The following OR5M3 variants were observed in gnomAD, a reference collection of about 807,000 sequenced individuals.
OR5M3 encodes the protein olfactory receptor family 5 subfamily M member 3, also known as olfactory receptor 5M3.
For missense variants in OR5M3, 384 were observed against 378.6 expected, an observed-to-expected ratio of 1.01 and a Z score of -0.12; for synonymous variants, 129 against 131.3, an observed-to-expected ratio of 0.98 and a Z score of 0.12.
At position 56,469,443 on chromosome 11, in the gene OR5M3, T is replaced by C. The variant is rs1853638729; in HGVS notation, c.*131A>G. The C allele has an allele frequency of 7.3e-6, 4 of 550,940 alleles. No homozygotes were observed. The highest frequency in any genetic ancestry group is 5.9e-5 in the East Asian group (2 of 33,644). The allele number at this position is 550,940 out of a possible 1,614,324, so 34.1% of individuals were successfully genotyped here. On this transcript the variant is annotated 3_prime_UTR_variant, in exon 2 of 2. Transcript: ENST00000641993. ...ATCATTCCTCCTTATATTTTCTCAA[T>C]TTGTACCACTTTTATTTTTCTTTTC...
intron 1 of OR5M3, among the ~76,000 whole-genome samples, chr11:56,472,641 T>C (rs1163047985): frequency 1.3e-5 from 2 of 152,008 alleles, no homozygotes; most frequent in African/African-American, 4.8e-5. Flanking sequence ...GGGTGCGAAG[T>C]GTACAAAGAA....
In OR5M3 at chr11:56,470,224, A is replaced by G. The variant is rs1853652402; in HGVS notation, c.274T>C (p.Tyr92His). Residue 92 changes from tyrosine (Y) to histidine (H), a missense_variant, in exon 2 of 2, where the codon TAT (tyrosine) becomes CAT (histidine). Transcript: ENST00000641993. ...NLLSDKKTIT[Y>H]AGCLVQCFFF... Reference sequence around the variant, plus strand: ...AAACACTGTACTAAACAACCAGCATAAGTAATTGTTTTTTTATCTGATAAC... The same window carrying G: ...AAACACTGTACTAAACAACCAGCATGAGTAATTGTTTTTTTATCTGATAAC... 1 of 1,613,594 alleles carries G rather than the reference A, an allele frequency of 6.2e-7. No individual in the cohort carries two copies. The highest frequency in any genetic ancestry group is 1.7e-5 in the Admixed American group (1 of 59,978).
chr11:56,473,078 T>C (rs1853682531), intron 1 of OR5M3, 143 bp downstream of exon 1: 1 of 152,118 alleles, frequency 6.6e-6, no homozygotes, highest in Non-Finnish European at 1.5e-5. Context: ...ATAATCCTAT[T>C]GAAAATGTAT....
rs758203241 is a variant in OR5M3, at chr11:56,469,842, A to T, written c.656T>A (p.Ile219Asn). The change falls in exon 2 of 2, where the codon ATC (isoleucine) becomes AAC (asparagine). Residue 219 changes from isoleucine to asparagine, a missense_variant. Coordinates refer to ENST00000641993, the MANE Select transcript of OR5M3 (RefSeq NM_001004742.3). ...LTVIIISYLFILIAILRMRSA... is the reference protein window; with the variant it reads ...LTVIIISYLFNLIAILRMRSA... Reference sequence around the variant, plus strand: ...GCGCATTCGCAGAATGGCAATGAGGATGAATAAGTAAGAGATGATAATTAC... The same window carrying T: ...GCGCATTCGCAGAATGGCAATGAGGTTGAATAAGTAAGAGATGATAATTAC... 6.2e-7 allele frequency: 1 copy of T among 1,612,732 alleles called. No individual in the cohort carries two copies. Among genetic ancestry groups the T allele is most frequent in the South Asian group, 1.1e-5 (1 of 91,064 alleles).
chr11:56,470,381 G>A lies in OR5M3; in HGVS notation c.117C>T (p.Gly39=), dbSNP rs777491273. Residue 39 remains glycine (G), a synonymous_variant, in exon 2 of 2, where the codon GGC becomes GGT. Coordinates refer to ENST00000641993, the MANE Select transcript of OR5M3 (RefSeq NM_001004742.3). ...TGATTAACACCATCATGCCGATATT[G>A]CCCACCATGGTGATGATGTAGACCA... ...FLVVYIITMV[G]NIGMMVLIKV... 1 of 1,613,350 alleles carries A rather than the reference G, an allele frequency of 6.2e-7. No individual in the cohort carries two copies. The highest frequency in any genetic ancestry group is 1.7e-5 in the Admixed American group (1 of 59,982).
intron 1 of OR5M3, among the ~76,000 whole-genome samples, chr11:56,471,894 C>T (rs184844143): frequency 1.8e-4 from 27 of 152,084 alleles, no homozygotes; most frequent in Non-Finnish European, 3.4e-4. Flanking sequence ...TATGTTATCT[C>T]TAGAGCAAAC....
At chr11:56,471,233 G>C (rs1366417866) in intron 1 of OR5M3, among the ~76,000 whole-genome samples, 1 of 151,978 alleles carries the variant, frequency 6.6e-6, no homozygotes, top group Non-Finnish European at 1.5e-5. Context: ...ATTAATGTCA[G>C]TATTTATGAA....
chr11:56,470,653 T>TC, intron 1 of OR5M3, 112 bp from the exon 2 acceptor site: 1 of 498,156 alleles, frequency 2.0e-6, no homozygotes, highest in Non-Finnish European at 3.5e-6. Flanking sequence ...ACAGATCTTT[T>TC]CTCAGTGCCT....
Position 56,469,825 on chromosome 11 carries a change from G to C in OR5M3, c.673C>G (p.Arg225Gly), listed in dbSNP as rs138643585. 8.1e-6 allele frequency: 13 copies of C among 1,610,770 alleles called. No individual in the cohort carries two copies. The highest frequency in any genetic ancestry group is 1.3e-5 in the African/African-American group (1 of 74,858). ...TGCCTTCCTTCTGCTGAGCGCATTC[G>C]CAGAATGGCAATGAGGATGAATAAG... ...SYLFILIAIL[R>G]MRSAEGRQKA... The change falls in exon 2 of 2, where the codon CGA (arginine) becomes GGA (glycine). Residue 225 changes from arginine to glycine, a missense_variant. Coordinates refer to ENST00000641993, the MANE Select transcript of OR5M3 (RefSeq NM_001004742.3).
Position 56,469,975 on chromosome 11 carries a change from A to T in OR5M3, c.523T>A (p.Phe175Ile), listed in dbSNP as rs946439058. 3.1e-6 allele frequency: 5 copies of T among 1,613,532 alleles called. No individual in the cohort carries two copies. The African/African-American group carries it at 6.7e-5, about 22-fold the overall frequency. ...ATGAGAGGTGGATCTGCACAGTAGA[A>T]ATGGTTGATCTCAATTTTTCCACAG... is the stretch of plus-strand genomic sequence containing the variant. ...YFCGKIEINH[F>I]YCADPPLIKM... The change falls in exon 2 of 2, where the codon TTC becomes ATC. Residue 175 changes from phenylalanine (F) to isoleucine (I), a missense_variant. Phe to Ile is a conservative substitution (Grantham distance 21). Coordinates refer to ENST00000641993, the MANE Select transcript of OR5M3 (RefSeq NM_001004742.3).
At chr11:56,471,216 C>A (rs1279792911) in intron 1 of OR5M3, among the ~76,000 whole-genome samples, 4 of 151,868 alleles carry the variant, frequency 2.6e-5, no homozygotes. Flanking sequence ...ATAGGTAAAA[C>A]ATACAGATTA....
intron 1 of OR5M3, among the ~76,000 whole-genome samples, chr11:56,471,500 A>G (rs952400884): frequency 6.6e-6 from 1 of 152,012 alleles, no homozygotes; most frequent in African/African-American, 2.4e-5. Context: ...ATAATGGAGA[A>G]TAATCCACAA....
At chr11:56,471,472 G>C (rs1299991908) in intron 1 of OR5M3, among the ~76,000 whole-genome samples, 1 of 151,734 alleles carries the variant, frequency 6.6e-6, no homozygotes, top group Non-Finnish European at 1.5e-5. Context: ...ATTAGTGCTT[G>C]GCATGATCTT....
chr11:56,472,774 A>T (rs965779498), intron 1 of OR5M3, among the ~76,000 whole-genome samples: 4 of 152,124 alleles, frequency 2.6e-5, no homozygotes, highest in African/African-American at 7.2e-5. Flanking sequence ...ATAAATATGG[A>T]TTCTTTTCCA....
chr11:56,471,830 C>A (rs987967913), intron 1 of OR5M3, among the ~76,000 whole-genome samples: 1 of 152,000 alleles, frequency 6.6e-6, no homozygotes, highest in Non-Finnish European at 1.5e-5. Flanking sequence ...GATAGCCTTT[C>A]AGCAGGAAAT....
At chr11:56,471,027 C>T (rs1853662157) in intron 1 of OR5M3, among the ~76,000 whole-genome samples, 1 of 151,770 alleles carries the variant, frequency 6.6e-6, no homozygotes, top group Admixed American at 6.6e-5. Flanking sequence ...CTTATATTTG[C>T]ATTATTTTCA....
intron 1 of OR5M3, 26 bp from the exon 2 acceptor site, chr11:56,470,567 G>A: frequency 8.5e-6 from 7 of 825,570 alleles, no homozygotes; most frequent in South Asian, 2.1e-5. Context: ...GGAAATATTA[G>A]AATATTTATT....
At chr11:56,472,712 T>G (rs1853679778) in intron 1 of OR5M3, among the ~76,000 whole-genome samples, 1 of 152,082 alleles carries the variant, frequency 6.6e-6, no homozygotes, top group African/African-American at 2.4e-5. Context: ...AATTTAAAAA[T>G]ACACACATGA....
chr11:56,469,997 A>G lies in OR5M3; in HGVS notation c.501T>C (p.Cys167=). 1 of 1,613,686 alleles carries G rather than the reference A, an allele frequency of 6.2e-7. No homozygotes were observed. Among genetic ancestry groups the G allele is most frequent in the Non-Finnish European group, 8.5e-7 (1 of 1,179,672 alleles). The part of the protein sequence containing the change: ...ATLWTYGLYF[C]GKIEINHFYC... Reference sequence around the variant, plus strand: ...AGAAATGGTTGATCTCAATTTTTCCACAGAAGTACAAGCCGTAAGTCCATA... The same window carrying G: ...AGAAATGGTTGATCTCAATTTTTCCGCAGAAGTACAAGCCGTAAGTCCATA... Residue 167 remains cysteine (C), a synonymous_variant, in exon 2 of 2, where the codon TGT becomes TGC. Coordinates refer to ENST00000641993, the MANE Select transcript of OR5M3 (RefSeq NM_001004742.3).
Sources: gnomAD v4.1 joint callset for allele counts (sites outside exome capture counted in the v4.1 genomes callset) on GRCh38, gnomAD v4.1.1 for gene constraint, MANE v1.5 for transcripts, NCBI Gene and HGNC (gene_info 2026-07-23, HGNC 2026-07-21) for gene names.